LHFPL6: variants seen among roughly 807,000 people sequenced by gnomAD.
LHFPL6 encodes the protein LHFPL tetraspan subfamily member 6, also known as LHFPL tetraspan subfamily member 6 protein.
LHFPL6 carries 9 observed loss-of-function variants against 20.6 expected under a neutral mutation model. That is an observed-to-expected ratio of 0.44 (90% CI 0.26 to 0.76). LHFPL6 has a LOEUF of 0.76. Ranked by LOEUF, LHFPL6 falls within the 30% of genes least tolerant of loss-of-function variation. The pLI is 0.20. For missense variants in LHFPL6, 218 were observed against 253.5 expected (o/e 0.86, Z 0.95); for synonymous variants, 105 against 98.7 (o/e 1.06, Z -0.38).
At chr13:39,473,597 C>T (rs1057385970) in intron 2 of LHFPL6, among the ~76,000 whole-genome samples, 5 of 151,970 alleles carry the variant, frequency 3.3e-5, no homozygotes, top group African/African-American at 1.2e-4. Context: ...TAAGGTTTTA[C>T]ATAATTGAGC....
chr13:39,507,840 T>C (rs1351665577), intron 2 of LHFPL6, among the ~76,000 whole-genome samples: 1 of 151,890 alleles, frequency 6.6e-6, no homozygotes, highest in Non-Finnish European at 1.5e-5. Context: ...AAATGATAAA[T>C]CCAAGATTTG....
chr13:39,399,923 G>A (rs763395075), intron 2 of LHFPL6, among the ~76,000 whole-genome samples: 38 of 152,064 alleles, frequency 2.5e-4, no homozygotes, highest in East Asian at 3.9e-4. Context: ...GAGAAACCCC[G>A]TCTCTACTAA....
intron 2 of LHFPL6, among the ~76,000 whole-genome samples, chr13:39,414,063 G>T (rs758756537): frequency 2.0e-5 from 3 of 152,104 alleles, no homozygotes; most frequent in East Asian, 1.9e-4. Context: ...CCACTCTACT[G>T]TTCATAGGCA....
intron 2 of LHFPL6, among the ~76,000 whole-genome samples, chr13:39,483,596 T>C (rs1399326545): frequency 6.6e-6 from 1 of 152,100 alleles, no homozygotes; most frequent in Non-Finnish European, 1.5e-5. Flanking sequence ...TTGCTATAGA[T>C]TCCTTTTCCT....
In LHFPL6 at chr13:39,364,843, C is replaced by A. The variant is rs115025974; in HGVS notation, c.484+13585G>T. Among the ~76,000 whole-genome samples, 1,360 of 152,246 alleles carry A rather than the reference C, an allele frequency of 8.9e-3. 23 individuals carry two copies. The highest frequency in any genetic ancestry group is 0.031 in the African/African-American group (1,291 of 41,534). On this transcript the variant is annotated intron_variant, in intron 3 of 3. Coordinates refer to ENST00000379589, the MANE Select transcript of LHFPL6 (RefSeq NM_005780.3). Reference sequence around the variant, plus strand: ...TTTACCCTTTGTCTTGTCTGGCCAGCTGAGTATCTGCTAGCACAGCTGCTA... The same window carrying A: ...TTTACCCTTTGTCTTGTCTGGCCAGATGAGTATCTGCTAGCACAGCTGCTA...
intron 2 of LHFPL6, among the ~76,000 whole-genome samples, chr13:39,533,966 A>G (rs1870542329): frequency 6.6e-6 from 1 of 152,192 alleles, no homozygotes; most frequent in Non-Finnish European, 1.5e-5. Context: ...AGTATAAAAT[A>G]CATATGTACT....
intron 2 of LHFPL6, among the ~76,000 whole-genome samples, chr13:39,502,612 C>A (rs902125083): frequency 6.6e-6 from 1 of 152,106 alleles, no homozygotes; most frequent in African/African-American, 2.4e-5. Context: ...GACCTTGTCT[C>A]TAAAACACAC....
At chr13:39,437,197 A>C (rs1871981293) in intron 2 of LHFPL6, among the ~76,000 whole-genome samples, 1 of 152,218 alleles carries the variant, frequency 6.6e-6, no homozygotes, top group Non-Finnish European at 1.5e-5. Flanking sequence ...ATACATCATT[A>C]TAATGGGTAA....
chr13:39,388,507 A>G (rs756976196), intron 2 of LHFPL6, among the ~76,000 whole-genome samples: 55 of 152,232 alleles, frequency 3.6e-4, no homozygotes, highest in Admixed American at 8.5e-4. Context: ...TCTGATTGAA[A>G]GCAACACCTT....
At chr13:39,520,601 G>T in intron 2 of LHFPL6, among the ~76,000 whole-genome samples, 1 of 152,204 alleles carries the variant, frequency 6.6e-6, no homozygotes, top group Admixed American at 6.5e-5. Flanking sequence ...CAGGACTCCT[G>T]TTATCAGAAC....
chr13:39,487,822 G>A (rs1297750852), intron 2 of LHFPL6, among the ~76,000 whole-genome samples: 1 of 152,204 alleles, frequency 6.6e-6, no homozygotes, highest in Non-Finnish European at 1.5e-5. Flanking sequence ...GAGATGGGTG[G>A]AGCACCTGAG....
intron 3 of LHFPL6, among the ~76,000 whole-genome samples, chr13:39,347,049 C>T (rs1381539976): frequency 1.4e-5 from 2 of 144,608 alleles, no homozygotes; most frequent in African/African-American, 5.2e-5. Flanking sequence ...CACTGCACTC[C>T]AGCCTGGATG....
intron 2 of LHFPL6, among the ~76,000 whole-genome samples, chr13:39,562,909 T>TCC (rs1181147525): frequency 6.6e-6 from 1 of 151,946 alleles, no homozygotes; most frequent in Non-Finnish European, 1.5e-5. Context: ...ACATAATCTG[T>TCC]CCCCATGCAC....
intron 2 of LHFPL6, among the ~76,000 whole-genome samples, chr13:39,576,055 G>A (rs1462122069): frequency 6.6e-6 from 1 of 152,168 alleles, no homozygotes; most frequent in African/African-American, 2.4e-5. Flanking sequence ...ACCTACCCCA[G>A]GGGATTTCTT....
intron 2 of LHFPL6, among the ~76,000 whole-genome samples, chr13:39,536,158 T>C (rs186028929): frequency 1.3e-5 from 2 of 152,318 alleles, no homozygotes; most frequent in East Asian, 3.9e-4. Context: ...ATATTTTTCC[T>C]ATAGAGCAAG....
intron 2 of LHFPL6, among the ~76,000 whole-genome samples, chr13:39,490,092 A>C (rs375898538): frequency 0.016 from 1,327 of 85,354 alleles, 14 homozygotes; most frequent in African/African-American, 0.054. Context: ...TTAAACAAAC[A>C]AACAAAAAAA....
In LHFPL6 at chr13:39,583,500, C is replaced by T. The variant is rs537507015; in HGVS notation, c.385+17332G>A. 1.3e-4 allele frequency among the ~76,000 whole-genome samples: 20 copies of T among 152,218 alleles called. 1 individual carries two copies. The South Asian group carries it at 4.2e-3, about 32-fold the overall frequency. ...GGGTGCAAAACTCTAACAGTTGTAC[C>T]TCCCAATCAAATACCTAGACACCAG... On this transcript the variant is annotated intron_variant, in intron 2 of 3. Coordinates refer to ENST00000379589, the MANE Select transcript of LHFPL6 (RefSeq NM_005780.3).
intron 3 of LHFPL6, among the ~76,000 whole-genome samples, chr13:39,345,031 T>C (rs2138331432): frequency 6.6e-6 from 1 of 152,346 alleles, no homozygotes; most frequent in Admixed American, 6.5e-5. Context: ...CCTCTATATC[T>C]TATACTGGAC....
intron 2 of LHFPL6, among the ~76,000 whole-genome samples, chr13:39,455,015 C>T (rs1051583447): frequency 4.6e-5 from 7 of 152,108 alleles, no homozygotes; most frequent in Non-Finnish European, 7.4e-5. Context: ...TGCCATTCCA[C>T]CCTGTGAGGG....
Sources: allele counts gnomAD v4.1 joint callset (sites outside exome capture counted in the v4.1 genomes callset), GRCh38; gene constraint gnomAD v4.1.1; transcripts MANE v1.5; gene names NCBI Gene and HGNC (gene_info 2026-07-23, HGNC 2026-07-21).